PDE4D: variants seen among roughly 807,000 people sequenced by gnomAD.
PDE4D encodes the protein 3',5'-cyclic-AMP phosphodiesterase 4D.
PDE4D carries 24 observed loss-of-function variants against 87.4 expected under a neutral mutation model. The observed-to-expected ratio is 0.27, with a 90% CI of 0.20 to 0.39. The LOEUF is 0.39. Among genes scored for constraint, PDE4D ranks in the 10% least tolerant of loss-of-function variants. PDE4D has a pLI of 1.00. For synonymous variants in PDE4D, 384 were observed against 383.2 expected (o/e 1.00, Z -0.02); for missense variants, 714 against 1,041.0 (o/e 0.69, Z 4.32).
At chr5:59,382,043 C>T (rs1050921078) in intron 1 of PDE4D, among the ~76,000 whole-genome samples, 5 of 152,100 alleles carry the variant, frequency 3.3e-5, no homozygotes, top group African/African-American at 1.2e-4. Flanking sequence ...TGGAGCTGCC[C>T]TTCTCAGCCT....
chr5:60,038,517 G>C (rs1465014104), intron 2 of PDE4D, among the ~76,000 whole-genome samples: 1 of 151,946 alleles, frequency 6.6e-6, no homozygotes, highest in Non-Finnish European at 1.5e-5. Context: ...ATGCTGTTTT[G>C]GTTACTGTAG....
At chr5:59,992,476 C>G (rs1306414904) in intron 2 of PDE4D, among the ~76,000 whole-genome samples, 5 of 152,172 alleles carry the variant, frequency 3.3e-5, no homozygotes, top group Non-Finnish European at 7.3e-5. Context: ...CTGACTAATA[C>G]ATGTGTAAAT....
rs764900942 is a variant in PDE4D at position 59,282,734 on chromosome 5, T to C, written c.456-66766A>G. On this transcript the variant is annotated intron_variant, in intron 1 of 14. Transcript: ENST00000340635. The stretch of plus-strand genomic sequence containing the variant: ...TGTGTTTTAATAATAATTTAGTTTC[T>C]GATGTAATGGGAAATGTTGAAAATT... Among the ~76,000 whole-genome samples the C allele has an allele frequency of 1.1e-3, 163 of 151,974 alleles. 1 individual carries two copies. The highest frequency in any genetic ancestry group is 0.01 in the Middle Eastern group (3 of 292).
intron 2 of PDE4D, among the ~76,000 whole-genome samples, chr5:59,210,378 C>G (rs1233473988): frequency 6.6e-6 from 1 of 152,172 alleles, no homozygotes; most frequent in Non-Finnish European, 1.5e-5. Context: ...TACTCTTATA[C>G]TTAGCAGGCA....
At chr5:60,367,481 G>A (rs1490136208) in intron 1 of PDE4D, among the ~76,000 whole-genome samples, 3 of 151,364 alleles carry the variant, frequency 2.0e-5, no homozygotes, top group South Asian at 2.1e-4. Flanking sequence ...ACACCAAATG[G>A]AAACTTTGAA....
At chr5:59,708,485 G>A (rs1753764300) in intron 1 of PDE4D, among the ~76,000 whole-genome samples, 1 of 152,104 alleles carries the variant, frequency 6.6e-6, no homozygotes, top group African/African-American at 2.4e-5. Flanking sequence ...CATGTAAGAC[G>A]CTTATCACAA....
At chr5:60,073,496 T>G (rs1357678137) in intron 2 of PDE4D, among the ~76,000 whole-genome samples, 1 of 151,256 alleles carries the variant, frequency 6.6e-6, no homozygotes, top group Admixed American at 6.6e-5. Flanking sequence ...CCAGGTGTTT[T>G]TTTTTTTTTT....
chr5:59,653,145 G>T (rs1288593280), intron 1 of PDE4D, among the ~76,000 whole-genome samples: 1 of 150,698 alleles, frequency 6.6e-6, no homozygotes, highest in Non-Finnish European at 1.5e-5. Flanking sequence ...ACAACTATTG[G>T]TTAGGTCTAC....
At chr5:59,264,467 A>G (rs1357015789) in intron 1 of PDE4D, among the ~76,000 whole-genome samples, 1 of 152,012 alleles carries the variant, frequency 6.6e-6, no homozygotes, top group African/African-American at 2.4e-5. Flanking sequence ...ATACCTTTAA[A>G]AAGTTGTCTG....
Position 58,976,228 on chromosome 5 carries a change from T to C in PDE4D, c.1830+122A>G, listed in dbSNP as rs1743746901. 1.9e-5 allele frequency: 21 copies of C among 1,089,488 alleles called. No individual in the cohort carries two copies. In the South Asian group the frequency reaches 4.5e-4, roughly 23 times the overall value. The allele number at this position is 1,089,488 out of a possible 1,614,324, so 67.5% of individuals were successfully genotyped here. ...TAAAAATTTGGATAAAAATCCTGCC[T>C]ACAATTGCTGAAAGTATAAGGTGGG... On this transcript the variant is annotated intron_variant, in intron 13 of 14. Transcript: ENST00000340635.
intron 2 of PDE4D, among the ~76,000 whole-genome samples, chr5:60,077,414 T>C (rs1773424165): frequency 6.6e-6 from 1 of 152,144 alleles, no homozygotes. Flanking sequence ...CATGCTGGTG[T>C]CTGCAGGGAC....
At chr5:60,039,569 A>G (rs145977534) in intron 2 of PDE4D, among the ~76,000 whole-genome samples, 1 of 152,214 alleles carries the variant, frequency 6.6e-6, no homozygotes, top group Non-Finnish European at 1.5e-5. Flanking sequence ...CATGTACCCT[A>G]AAACTTAAAC....
rs148372211 is a variant in PDE4D, at chr5:59,475,957, G to T, written c.456-259989C>A. Among the ~76,000 whole-genome samples the T allele has an allele frequency of 5.1e-4, 77 of 152,056 alleles. No homozygotes were observed. The East Asian group carries it at 0.013, about 26-fold the overall frequency. Reference sequence around the variant, plus strand: ...TAGAGTTATACAATGAATATGTAAAGAACACAAACTGATGTTTTCAAAAAC... The same window carrying T: ...TAGAGTTATACAATGAATATGTAAATAACACAAACTGATGTTTTCAAAAAC... On this transcript the variant is annotated intron_variant, in intron 1 of 14. Transcript: ENST00000340635.
intron 1 of PDE4D, among the ~76,000 whole-genome samples, chr5:59,643,770 T>C (rs1040505270): frequency 6.6e-6 from 1 of 152,196 alleles, no homozygotes; most frequent in Non-Finnish European, 1.5e-5. Flanking sequence ...TGCATCCAAA[T>C]GTAGTAAATT....
intron 6 of PDE4D, among the ~76,000 whole-genome samples, chr5:59,011,141 C>A (rs530226433): frequency 6.6e-6 from 1 of 152,070 alleles, no homozygotes; most frequent in Non-Finnish European, 1.5e-5. Context: ...CCCATATGTA[C>A]GTCACCATCA....
chr5:60,391,334 A>C (rs1762549647), intron 1 of PDE4D, among the ~76,000 whole-genome samples: 1 of 152,222 alleles, frequency 6.6e-6, no homozygotes, highest in Non-Finnish European at 1.5e-5. Context: ...CCCGCAGATT[A>C]GTTTCCTACT....
chr5:59,184,333 G>A (rs780270901), intron 4 of PDE4D, among the ~76,000 whole-genome samples: 2 of 152,086 alleles, frequency 1.3e-5, no homozygotes, highest in Admixed American at 6.6e-5. Flanking sequence ...AATGAAAAAC[G>A]TGAATCTGGG....
intron 5 of PDE4D, among the ~76,000 whole-genome samples, chr5:59,041,011 T>C (rs1759588037): frequency 6.6e-6 from 1 of 152,180 alleles, no homozygotes; most frequent in Admixed American, 6.5e-5. Flanking sequence ...ACTGTTCACT[T>C]TGAGTACTCT....
At chr5:59,733,938 G>A (rs1757732744) in intron 1 of PDE4D, among the ~76,000 whole-genome samples, 1 of 151,924 alleles carries the variant, frequency 6.6e-6, no homozygotes, top group African/African-American at 2.4e-5. Context: ...TGAACCAATG[G>A]GTTAAGGATT....
Sources: gnomAD v4.1 joint callset for allele counts (sites outside exome capture counted in the v4.1 genomes callset) on GRCh38, gnomAD v4.1.1 for gene constraint, MANE v1.5 for transcripts, NCBI Gene and HGNC (gene_info 2026-07-23, HGNC 2026-07-21) for gene names.